The following DLG2 variants were observed in gnomAD, a reference collection of about 807,000 sequenced individuals.
The protein encoded by DLG2 is disks large homolog 2.
A neutral mutation model predicts 132.5 loss-of-function variants in DLG2; 45 were observed. The observed-to-expected ratio is 0.34, with a 90% CI of 0.27 to 0.44. The LOEUF is 0.44. Ranked by LOEUF, DLG2 falls within the 20% of genes least tolerant of loss-of-function variation. The pLI, the probability that DLG2 is intolerant of heterozygous loss-of-function variation, is 1.00. For synonymous variants in DLG2, 424 were observed against 419.6 expected (o/e 1.01, Z -0.13); for missense variants, 1,045 against 1,196.9 (o/e 0.87, Z 1.87).
chr11:84,937,636 G>A (rs1256283424), intron 6 of DLG2, among the ~76,000 whole-genome samples: 1 of 152,104 alleles, frequency 6.6e-6, no homozygotes, highest in Non-Finnish European at 1.5e-5. Context: ...CTTACCAAGG[G>A]ACACTTGAAC....
chr11:85,004,589 T>C (rs1440931263), intron 6 of DLG2, among the ~76,000 whole-genome samples: 1 of 152,222 alleles, frequency 6.6e-6, no homozygotes, highest in African/African-American at 2.4e-5. Context: ...TAAATTTGTT[T>C]ATATTATTTG....
chr11:84,809,384 T>C (rs1309974047), intron 6 of DLG2, among the ~76,000 whole-genome samples: 2 of 151,820 alleles, frequency 1.3e-5, no homozygotes, highest in Non-Finnish European at 2.9e-5. Flanking sequence ...GACAAGGATA[T>C]CTTTCCCACC....
intron 16 of DLG2, among the ~76,000 whole-genome samples, chr11:83,851,495 C>T (rs978842958): frequency 6.6e-6 from 1 of 151,744 alleles, no homozygotes; most frequent in African/African-American, 2.4e-5. Context: ...GGTGTGGTGG[C>T]AGGCACCTGT....
chr11:85,048,835 C>T (rs2062610616), intron 6 of DLG2, among the ~76,000 whole-genome samples: 1 of 151,980 alleles, frequency 6.6e-6, no homozygotes, highest in African/African-American at 2.4e-5. Flanking sequence ...TAAAACTATG[C>T]ATAAATGCAT....
chr11:85,143,126 G>A (rs972225297), intron 5 of DLG2, among the ~76,000 whole-genome samples: 38 of 151,556 alleles, frequency 2.5e-4, no homozygotes, highest in African/African-American at 9.2e-4. Context: ...GAGTAGGATT[G>A]GTATTAGTTC....
chr11:84,665,352 A>G (rs964674677), intron 6 of DLG2, among the ~76,000 whole-genome samples: 2 of 152,170 alleles, frequency 1.3e-5, no homozygotes, highest in Non-Finnish European at 1.5e-5. Flanking sequence ...AATTTGCACA[A>G]TATTACATAG....
At chr11:85,346,424 G>A (rs1291194327) in intron 3 of DLG2, among the ~76,000 whole-genome samples, 6 of 152,010 alleles carry the variant, frequency 3.9e-5, no homozygotes, top group African/African-American at 9.7e-5. Flanking sequence ...TCCTGACCTC[G>A]TGATCTGCCC....
intron 7 of DLG2, among the ~76,000 whole-genome samples, chr11:84,371,586 C>T (rs966734709): frequency 6.6e-6 from 1 of 152,076 alleles, no homozygotes; most frequent in Non-Finnish European, 1.5e-5. Flanking sequence ...CTTGCTTATT[C>T]TATTGGTCAG....
At chr11:84,025,925 G>A (rs758539809) in intron 11 of DLG2, among the ~76,000 whole-genome samples, 15 of 152,184 alleles carry the variant, frequency 9.9e-5, no homozygotes, top group South Asian at 6.2e-4. Context: ...GAGAAGAGGA[G>A]AGGGTTGGAT....
At chr11:84,056,068 T>C (rs73513704) in intron 11 of DLG2, among the ~76,000 whole-genome samples, 9,835 of 152,186 alleles carry the variant, frequency 0.065, 346 homozygotes, top group Middle Eastern at 0.092. Context: ...GTTAAGTTTT[T>C]TTTTTCTTTT....
chr11:85,308,421 T>A (rs1040828853), intron 3 of DLG2, among the ~76,000 whole-genome samples: 4 of 152,126 alleles, frequency 2.6e-5, no homozygotes, highest in African/African-American at 9.7e-5. Context: ...TGGCTTCTGG[T>A]TGGGATCAGC....
At chr11:84,868,667 A>G (rs2085000533) in intron 6 of DLG2, among the ~76,000 whole-genome samples, 1 of 152,182 alleles carries the variant, frequency 6.6e-6, no homozygotes, top group Non-Finnish European at 1.5e-5. Context: ...TCTCAGCACA[A>G]TGATGAGTCG....
intron 7 of DLG2, among the ~76,000 whole-genome samples, chr11:84,434,564 T>A (rs546021630): frequency 2.0e-5 from 3 of 152,156 alleles, no homozygotes; most frequent in Non-Finnish European, 4.4e-5. Context: ...TTCTATTTAA[T>A]AGGGCTGTTG....
chr11:85,088,996 A>G (rs1189974829), intron 6 of DLG2, among the ~76,000 whole-genome samples: 1 of 152,222 alleles, frequency 6.6e-6, no homozygotes, highest in Non-Finnish European at 1.5e-5. Flanking sequence ...AAGAAAACCT[A>G]AAAATATCTC....
chr11:83,500,340 G>T (rs2094401188), intron 21 of DLG2, among the ~76,000 whole-genome samples: 1 of 152,074 alleles, frequency 6.6e-6, no homozygotes, highest in South Asian at 2.1e-4. Flanking sequence ...CAGGGCTTTG[G>T]CAGACTAGGT....
chr11:85,368,969 C>T (rs2084765129), intron 3 of DLG2, among the ~76,000 whole-genome samples: 1 of 152,206 alleles, frequency 6.6e-6, no homozygotes, highest in Non-Finnish European at 1.5e-5. Context: ...CCCTGATTCC[C>T]CAGAACCCCA....
chr11:83,842,830 AAAAG>A (rs1203503224), intron 16 of DLG2, among the ~76,000 whole-genome samples: 4 of 148,762 alleles, frequency 2.7e-5, no homozygotes, highest in Admixed American at 6.7e-5. Flanking sequence ...AAAAAAAAAA[AAAAG>A]AAGGAAAATT....
At chr11:84,544,710 T>C (rs1298124468) in intron 6 of DLG2, among the ~76,000 whole-genome samples, 1 of 152,142 alleles carries the variant, frequency 6.6e-6, no homozygotes, top group East Asian at 1.9e-4. Context: ...ATATATCTCA[T>C]AGAAATACAA....
At chr11:85,093,396 G>A (rs1566833380) in intron 6 of DLG2, among the ~76,000 whole-genome samples, 1 of 151,958 alleles carries the variant, frequency 6.6e-6, no homozygotes, top group Non-Finnish European at 1.5e-5. Context: ...TCCCCACCCA[G>A]TACACTCAGA....
Sources: gnomAD v4.1 joint callset for allele counts (sites outside exome capture counted in the v4.1 genomes callset) on GRCh38, gnomAD v4.1.1 for gene constraint, MANE v1.5 for transcripts, NCBI Gene and HGNC (gene_info 2026-07-23, HGNC 2026-07-21) for gene names.